CNTN5: variants seen among roughly 807,000 people sequenced by gnomAD.
The protein encoded by CNTN5 is contactin 5, also known as contactin-5.
Under a neutral mutation model 129.1 loss-of-function variants are expected in CNTN5, and 77 were observed. The ratio of observed to expected loss-of-function variants is 0.60; its 90% CI spans 0.50 to 0.72. The LOEUF (loss-of-function observed/expected upper bound fraction) is 0.72. Among genes scored for constraint, CNTN5 ranks in the 30% least tolerant of loss-of-function variants. The pLI, the probability that CNTN5 is intolerant of heterozygous loss-of-function variation, is 0.00. For synonymous variants in CNTN5, 509 were observed against 465.6 expected, an observed-to-expected ratio of 1.09 and a Z score of -1.20; for missense variants, 1,478 against 1,328.8, an observed-to-expected ratio of 1.11 and a Z score of -1.75.
chr11:99,997,685 G>T (rs187573376), intron 8 of CNTN5, among the ~76,000 whole-genome samples: 241 of 151,960 alleles, frequency 1.6e-3, no homozygotes, highest in Non-Finnish European at 2.3e-3. Context: ...GACCAAAGCC[G>T]GGCAGAGACA....
intron 7 of CNTN5, 22 bp downstream of exon 7, chr11:99,916,171 T>C: frequency 6.6e-7 from 1 of 1,525,938 alleles, no homozygotes; most frequent in African/African-American, 1.4e-5. Context: ...TCTCATTCTT[T>C]GCTGCTGCTG....
chr11:99,153,148 C>G (rs1860154304), intron 1 of CNTN5, among the ~76,000 whole-genome samples: 1 of 152,156 alleles, frequency 6.6e-6, no homozygotes, highest in African/African-American at 2.4e-5. Flanking sequence ...TATAGTATCT[C>G]ATAGGGATTC....
intron 6 of CNTN5, among the ~76,000 whole-genome samples, chr11:99,899,081 C>A (rs1949284145): frequency 6.6e-6 from 1 of 151,938 alleles, no homozygotes; most frequent in Non-Finnish European, 1.5e-5. Context: ...TTTTTGTATC[C>A]TGAGACTTTA....
intron 7 of CNTN5, among the ~76,000 whole-genome samples, chr11:99,947,343 AG>A (rs200540999): frequency 2.4e-5 from 3 of 123,408 alleles, no homozygotes; most frequent in Admixed American, 1.6e-4. Context: ...TTTTATGATT[AG>A]GTTTTTTTTT....
intron 1 of CNTN5, among the ~76,000 whole-genome samples, chr11:99,039,062 G>A (rs987931521): frequency 2.0e-5 from 3 of 151,982 alleles, no homozygotes; most frequent in African/African-American, 4.8e-5. Flanking sequence ...ATTGAAAACT[G>A]AAAAGACTTG....
At position 99,959,142 on chromosome 11, in the gene CNTN5, A is replaced by G. The variant is rs186905176; in HGVS notation, c.877+2133A>G. 8.5e-4 allele frequency among the ~76,000 whole-genome samples: 130 copies of G among 152,226 alleles called. No homozygotes were observed. The South Asian group carries it at 0.011, about 13-fold the overall frequency. On this transcript the variant is annotated intron_variant, in intron 8 of 24. Transcript: ENST00000524871. ...CAAAACCCCAACTCCAGTGAACTCAATTATACTCTTACCCTGTGACTGCCT... is the reference window on the plus strand; with the variant it reads ...CAAAACCCCAACTCCAGTGAACTCAGTTATACTCTTACCCTGTGACTGCCT...
At chr11:99,704,763 C>G (rs1278835193) in intron 3 of CNTN5, among the ~76,000 whole-genome samples, 1 of 151,160 alleles carries the variant, frequency 6.6e-6, no homozygotes. Context: ...AGATGAAATA[C>G]ATCTGTTTTC....
At chr11:99,797,000 T>A (rs543947995) in intron 3 of CNTN5, among the ~76,000 whole-genome samples, 1 of 152,006 alleles carries the variant, frequency 6.6e-6, no homozygotes, top group African/African-American at 2.4e-5. Context: ...CAGGAATGAG[T>A]CCCAGGGCAC....
At chr11:99,838,895 G>A (rs775885667) in intron 4 of CNTN5, among the ~76,000 whole-genome samples, 7 of 152,076 alleles carry the variant, frequency 4.6e-5, no homozygotes, top group Non-Finnish European at 1.0e-4. Context: ...CTAGAAATAA[G>A]TCATTAAGTC....
At chr11:100,004,203 A>G (rs1167209913) in intron 9 of CNTN5, among the ~76,000 whole-genome samples, 2 of 152,160 alleles carry the variant, frequency 1.3e-5, no homozygotes, top group Non-Finnish European at 2.9e-5. Context: ...TATCGTCAGG[A>G]TCTTACCACT....
intron 3 of CNTN5, among the ~76,000 whole-genome samples, chr11:99,816,379 C>T (rs923732101): frequency 6.6e-6 from 1 of 152,130 alleles, no homozygotes; most frequent in Admixed American, 6.5e-5. Context: ...CTGCGTCTTC[C>T]TTACGTCTGC....
At chr11:99,509,634 A>T (rs1454293465) in intron 2 of CNTN5, among the ~76,000 whole-genome samples, 1 of 152,170 alleles carries the variant, frequency 6.6e-6, no homozygotes, top group East Asian at 1.9e-4. Flanking sequence ...TTAATAAAAT[A>T]GTATGATGTC....
intron 1 of CNTN5, among the ~76,000 whole-genome samples, chr11:99,108,116 G>A (rs1591202756): frequency 6.6e-6 from 1 of 152,144 alleles, no homozygotes; most frequent in East Asian, 1.9e-4. Context: ...TGTGATGGTT[G>A]ATTGTAGATT....
chr11:99,991,302 C>T lies in CNTN5; in HGVS notation c.878-10732C>T, dbSNP rs148637116. Reference sequence around the variant, plus strand: ...CTAACACGGTGAAACCCCGTCTCTACTAAAAGTACAAAAAATTAGCCAGGC... The same window carrying T: ...CTAACACGGTGAAACCCCGTCTCTATTAAAAGTACAAAAAATTAGCCAGGC... On this transcript the variant is annotated intron_variant, in intron 8 of 24. Transcript: ENST00000524871. Among the ~76,000 whole-genome samples the T allele has an allele frequency of 1.0e-3, 151 of 151,748 alleles. 2 individuals carry two copies. The highest frequency in any genetic ancestry group is 3.3e-3 in the African/African-American group (138 of 41,244).
At chr11:100,129,718 G>A (rs1164687312) in intron 13 of CNTN5, among the ~76,000 whole-genome samples, 1 of 152,040 alleles carries the variant, frequency 6.6e-6, no homozygotes, top group Admixed American at 6.6e-5. Context: ...TATCACAGAG[G>A]ATTATCTTAG....
Position 99,796,040 on chromosome 11 carries a change from A to C in CNTN5, c.56-23504A>C, listed in dbSNP as rs140355953. On this transcript the variant is annotated intron_variant, in intron 3 of 24. Transcript: ENST00000524871. ...TGGCAGGTGTGGGGTGTTGGCTTCT[A>C]TACAGATGTTTGTAGCAGTGATGGT... Among the ~76,000 whole-genome samples, 155 of 152,182 alleles carry C rather than the reference A, an allele frequency of 1.0e-3. 1 individual carries two copies. The highest frequency in any genetic ancestry group is 3.6e-3 in the African/African-American group (148 of 41,518).
chr11:99,346,436 G>A (rs1394459), intron 2 of CNTN5, among the ~76,000 whole-genome samples: 150,677 of 152,338 alleles, frequency 0.99, 74,542 homozygotes, highest in East Asian at 1. Context: ...CCTCAGGCCT[G>A]GTGGCCCTTG....
In CNTN5 at chr11:99,224,336, T is replaced by C. The variant is rs536001643; in HGVS notation, c.-209-101010T>C. Among the ~76,000 whole-genome samples the C allele has an allele frequency of 1.5e-4, 23 of 152,268 alleles. 1 individual carries two copies. The South Asian group carries it at 4.8e-3, about 32-fold the overall frequency. On this transcript the variant is annotated intron_variant, in intron 1 of 24. Transcript: ENST00000524871. ...TATTATCTTAGGGAGATTTCAGCAT[T>C]GCCACTACTGTTTGCATCCTGTATT...
intron 2 of CNTN5, among the ~76,000 whole-genome samples, chr11:99,341,765 A>C (rs1442612892): frequency 6.6e-6 from 1 of 152,220 alleles, no homozygotes; most frequent in African/African-American, 2.4e-5. Flanking sequence ...GTCATTAATC[A>C]GTCTCTGTTA....
Sources: gnomAD v4.1 joint callset for allele counts (sites outside exome capture counted in the v4.1 genomes callset) on GRCh38, gnomAD v4.1.1 for gene constraint, MANE v1.5 for transcripts, NCBI Gene and HGNC (gene_info 2026-07-23, HGNC 2026-07-21) for gene names.